The following PRRX1 variants were observed in gnomAD, a reference collection of about 807,000 sequenced individuals.
PRRX1 encodes the protein paired mesoderm homeobox protein 1.
A neutral mutation model predicts 24.0 loss-of-function variants in PRRX1; 8 were observed. That is an observed-to-expected ratio of 0.33 (90% CI 0.20 to 0.60). The LOEUF is 0.60. Among genes scored for constraint, PRRX1 ranks in the 20% least tolerant of loss-of-function variants. The pLI, the probability that PRRX1 is intolerant of heterozygous loss-of-function variation, is 0.82. For missense variants in PRRX1, 281 were observed against 322.4 expected, an observed-to-expected ratio of 0.87 and a Z score of 0.98; for synonymous variants, 160 against 131.7, an observed-to-expected ratio of 1.22 and a Z score of -1.47.
intron 1 of PRRX1, among the ~76,000 whole-genome samples, chr1:170,681,125 G>T (rs1458438562): frequency 6.6e-6 from 1 of 152,178 alleles, no homozygotes; most frequent in Non-Finnish European, 1.5e-5. Context: ...GTACCATAAT[G>T]GATCAGGTAC....
At chr1:170,732,232 A>G (rs1558064493) in intron 3 of PRRX1, among the ~76,000 whole-genome samples, 2 of 152,096 alleles carry the variant, frequency 1.3e-5, no homozygotes, top group Admixed American at 6.6e-5. Flanking sequence ...ACAGTTAATT[A>G]CCCTCTTTGG....
At position 170,726,349 on chromosome 1, in the gene PRRX1, C is replaced by G. The variant is rs1655254723; in HGVS notation, c.547C>G (p.Pro183Ala). The G allele has an allele frequency of 6.2e-7, 1 of 1,613,996 alleles. No homozygotes were observed. Among genetic ancestry groups the G allele is most frequent in the African/African-American group, 1.3e-5 (1 of 74,920 alleles). ...TAVEQPIVPR[P>A]APRPTDYLSW... is the part of the protein sequence containing the mutation. ...TGTGGAGCAGCCCATCGTACCTCGT[C>G]CTGCTCCGAGACCCACCGATTATCT... is the stretch of plus-strand genomic sequence containing the variant. The change falls in exon 3 of 4, where the codon CCT (proline) becomes GCT (alanine). Residue 183 changes from proline to alanine, a missense_variant. Transcript: ENST00000239461.
chr1:170,685,552 T>C (rs1354273365), intron 1 of PRRX1, among the ~76,000 whole-genome samples: 1 of 152,210 alleles, frequency 6.6e-6, no homozygotes, highest in Non-Finnish European at 1.5e-5. Context: ...TTTTGGAATT[T>C]GGAGTCAGAA....
Position 170,736,040 on chromosome 1 carries a change from C to T in PRRX1, c.600-8C>T. ...TTATTCTCCCTGCTCTCTCCTTTGTCCCTACAGCGCCATGGCTACTTATTC... is the reference window on the plus strand; with the variant it reads ...TTATTCTCCCTGCTCTCTCCTTTGTTCCTACAGCGCCATGGCTACTTATTC... On this transcript the variant is annotated splice_region_variant and splice_polypyrimidine_tract_variant and intron_variant, in intron 3 of 3. Transcript: ENST00000239461. 2 of 1,613,950 alleles carry T rather than the reference C, an allele frequency of 1.2e-6. No individual in the cohort carries two copies. The highest frequency in any genetic ancestry group is 1.1e-5 in the South Asian group (1 of 91,082).
At chr1:170,726,637 G>A in intron 3 of PRRX1, 1 of 507,790 alleles carries the variant, frequency 2.0e-6, no homozygotes, top group Non-Finnish European at 3.5e-6. Context: ...TTGGACTCAG[G>A]AACTCTTGCA....
chr1:170,730,028 A>G (rs967176359), intron 3 of PRRX1, among the ~76,000 whole-genome samples: 5 of 152,176 alleles, frequency 3.3e-5, no homozygotes, highest in African/African-American at 1.2e-4. Flanking sequence ...ATTTTCTCAG[A>G]GACATCCTTT....
chr1:170,691,686 C>T (rs1653986346), intron 1 of PRRX1, among the ~76,000 whole-genome samples: 1 of 151,284 alleles, frequency 6.6e-6, no homozygotes, highest in Non-Finnish European at 1.5e-5. Flanking sequence ...TTTCTTTTCC[C>T]TTCTCTTTTC....
rs1021381903 is a variant in PRRX1, at chr1:170,717,902, C to T, written c.242-1824C>T. 2.6e-5 allele frequency among the ~76,000 whole-genome samples: 4 copies of T among 152,172 alleles called. No individual in the cohort carries two copies. The South Asian group carries it at 6.2e-4, about 24-fold the overall frequency. On this transcript the variant is annotated intron_variant, in intron 1 of 3. Coordinates refer to ENST00000239461, the MANE Select transcript of PRRX1 (RefSeq NM_022716.4). Reference sequence around the variant, plus strand: ...GTGATGTTGGTTGGAATATTTTAGGCATTGGTAGATCTCAAAAATTATTAT... The same window carrying T: ...GTGATGTTGGTTGGAATATTTTAGGTATTGGTAGATCTCAAAAATTATTAT...
intron 1 of PRRX1, among the ~76,000 whole-genome samples, chr1:170,670,659 A>G: frequency 6.6e-6 from 1 of 152,190 alleles, no homozygotes; most frequent in Non-Finnish European, 1.5e-5. Flanking sequence ...AAAAAATACC[A>G]TATTTCACTT....
At chr1:170,721,614 T>G (rs1001502696) in intron 2 of PRRX1, among the ~76,000 whole-genome samples, 2 of 152,120 alleles carry the variant, frequency 1.3e-5, no homozygotes, top group African/African-American at 4.8e-5. Flanking sequence ...CGTGGGAGCC[T>G]GTGGGGCCCC....
At chr1:170,664,112 A>AC, upstream of PRRX1, 1 of 584,164 alleles carries the variant, frequency 1.7e-6, no homozygotes, top group Non-Finnish European at 2.5e-6. Context: ...TCTCTCCACT[A>AC]CCCCCCTCTT....
chr1:170,663,874 A>AT (rs538776531), upstream of PRRX1: 12 of 246,970 alleles, frequency 4.9e-5, no homozygotes, highest in East Asian at 8.2e-4. Flanking sequence ...GTTGGAAGGG[A>AT]TTTTTTTCTC....
At chr1:170,669,797 G>C (rs1653085927) in intron 1 of PRRX1, among the ~76,000 whole-genome samples, 1 of 152,136 alleles carries the variant, frequency 6.6e-6, no homozygotes, top group Non-Finnish European at 1.5e-5. Flanking sequence ...TTCCAAGGCC[G>C]AGCTCACTTT....
intron 1 of PRRX1, among the ~76,000 whole-genome samples, chr1:170,694,462 C>T (rs773559667): frequency 6.6e-5 from 10 of 152,200 alleles, no homozygotes; most frequent in Non-Finnish European, 1.2e-4. Context: ...TGTGTATGTG[C>T]ATGCAAAATT....
chr1:170,687,759 C>G (rs1457320763), intron 1 of PRRX1, among the ~76,000 whole-genome samples: 1 of 152,086 alleles, frequency 6.6e-6, no homozygotes, highest in Non-Finnish European at 1.5e-5. Context: ...ATCACTCAGC[C>G]ATAAAAACTG....
intron 1 of PRRX1, among the ~76,000 whole-genome samples, chr1:170,689,930 AAG>A (rs1262111061): frequency 6.7e-6 from 1 of 150,144 alleles, no homozygotes; most frequent in Non-Finnish European, 1.5e-5. Flanking sequence ...GAGATCCAAA[AAG>A]AGAAAACTTT....
Position 170,737,126 on chromosome 1 carries a change from T to TTA in PRRX1, c.*949_*950dup, listed in dbSNP as rs561976336. 2,109 of 172,680 alleles carry TTA rather than the reference T, an allele frequency of 0.012. 23 individuals are homozygous for TTA. The highest frequency in any genetic ancestry group is 0.018 in the Non-Finnish European group (1,449 of 80,780). 10.7% of individuals were successfully genotyped at this position (172,680 alleles called of 1,614,324 possible). A position where few individuals can be genotyped will look rare whatever the true frequency, so the allele number is the denominator to read the frequency against. ...GCCTTAAGGATAGTGAGATGCACACTTATATATATACTGTATATATTTATA... is the reference window on the plus strand; with the variant it reads ...GCCTTAAGGATAGTGAGATGCACACTTATATATATATACTGTATATATTTATA... On this transcript the variant is annotated 3_prime_UTR_variant, in exon 4 of 4. Coordinates refer to ENST00000239461, the MANE Select transcript of PRRX1 (RefSeq NM_022716.4).
At position 170,711,901 on chromosome 1, in the gene PRRX1, C is replaced by G. The variant is rs143133994; in HGVS notation, c.242-7825C>G. Among the ~76,000 whole-genome samples the G allele has an allele frequency of 2.8e-3, 425 of 152,274 alleles. 1 individual carries two copies. The highest frequency in any genetic ancestry group is 9.5e-3 in the African/African-American group (396 of 41,568). ...CACTCTTTTCCCAGAACTTTGGTTT[C>G]TTCTTATCCTTTTGGAATTTACCAA... is the stretch of plus-strand genomic sequence containing the variant. On this transcript the variant is annotated intron_variant, in intron 1 of 3. Coordinates refer to ENST00000239461, the MANE Select transcript of PRRX1 (RefSeq NM_022716.4).
intron 1 of PRRX1, among the ~76,000 whole-genome samples, chr1:170,696,059 AC>A (rs1654156677): frequency 6.6e-6 from 1 of 152,212 alleles, no homozygotes; most frequent in South Asian, 2.1e-4. Flanking sequence ...AAAGACCAGT[AC>A]AGAAAAAGAG....
Sources: gnomAD v4.1 joint callset for allele counts (sites outside exome capture counted in the v4.1 genomes callset) on GRCh38, gnomAD v4.1.1 for gene constraint, MANE v1.5 for transcripts, NCBI Gene and HGNC (gene_info 2026-07-23, HGNC 2026-07-21) for gene names.